The following TLN2 variants were observed in gnomAD, a reference collection of about 807,000 sequenced individuals.
TLN2 encodes the protein talin 2, also known as talin-2.
In TLN2, 118 loss-of-function variants were observed where a neutral mutation model predicts 294.7. The observed-to-expected ratio is 0.40, with a 90% confidence interval of 0.34 to 0.47. TLN2 has a LOEUF of 0.47. Among genes scored for constraint, TLN2 ranks in the 20% least tolerant of loss-of-function variants. TLN2 has a pLI of 0.84. For missense variants in TLN2, 3,083 were observed against 3,282.2 expected (o/e 0.94, Z 1.48); for synonymous variants, 1,431 against 1,304.5 (o/e 1.10, Z -2.09).
At chr15:62,608,669 G>C (rs1301527013) in intron 2 of TLN2, among the ~76,000 whole-genome samples, 1 of 152,128 alleles carries the variant, frequency 6.6e-6, no homozygotes, top group Non-Finnish European at 1.5e-5. Context: ...GGACAAGGGA[G>C]AGGTGATGAG....
At chr15:62,614,305 C>T (rs185039663) in intron 2 of TLN2, among the ~76,000 whole-genome samples, 70 of 152,190 alleles carry the variant, frequency 4.6e-4, no homozygotes, top group African/African-American at 1.6e-3. Flanking sequence ...TTTGGGAGAA[C>T]GATATGTCCA....
At chr15:62,777,264 C>T (rs371524364) in intron 43 of TLN2, among the ~76,000 whole-genome samples, 34 of 152,036 alleles carry the variant, frequency 2.2e-4, no homozygotes, top group African/African-American at 7.7e-4. Flanking sequence ...CGGCCGGGCG[C>T]GGTGGCTCAC....
intron 1 of TLN2, among the ~76,000 whole-genome samples, chr15:62,565,910 CTGTGTGTGTGTGTGTGTGTG>C (rs71718001): frequency 1.3e-5 from 2 of 148,388 alleles, no homozygotes; most frequent in African/African-American, 5.0e-5. Context: ...TGTTTACTAG[CTGTGTGTGTGTGTGTGTGTG>C]TGTGTGTGTG....
chr15:62,595,315 G>C (rs1355070119), intron 2 of TLN2, among the ~76,000 whole-genome samples: 1 of 151,850 alleles, frequency 6.6e-6, no homozygotes, highest in Non-Finnish European at 1.5e-5. Context: ...AGCTACTTGG[G>C]AGGCTGAGGC....
intron 1 of TLN2, among the ~76,000 whole-genome samples, chr15:62,518,561 T>TA (rs1237631352): frequency 6.6e-6 from 1 of 151,722 alleles, no homozygotes; most frequent in African/African-American, 2.4e-5. Context: ...ACATGCAAAA[T>TA]ATGGTGAACG....
intron 1 of TLN2, among the ~76,000 whole-genome samples, chr15:62,586,116 A>C (rs1185998430): frequency 6.6e-6 from 1 of 152,180 alleles, no homozygotes; most frequent in Non-Finnish European, 1.5e-5. Flanking sequence ...TGCTTTCCCT[A>C]AATGCAACGT....
intron 1 of TLN2, among the ~76,000 whole-genome samples, chr15:62,562,941 C>G (rs28778281): frequency 0.02 from 2,977 of 149,306 alleles, 89 homozygotes; most frequent in African/African-American, 0.07. Context: ...CACACACACA[C>G]ACACACACAC....
At chr15:62,673,565 CTTTTTT>C (rs10539693) in intron 9 of TLN2, among the ~76,000 whole-genome samples, 11 of 139,498 alleles carry the variant, frequency 7.9e-5, no homozygotes, top group African/African-American at 2.9e-4. Flanking sequence ...CTCTTGTGCT[CTTTTTT>C]TTTTTTTTCA....
chr15:62,756,369 T>C (rs575574808), intron 37 of TLN2, among the ~76,000 whole-genome samples: 3 of 152,252 alleles, frequency 2.0e-5, no homozygotes, highest in African/African-American at 7.2e-5. Flanking sequence ...AGGTGGGCGA[T>C]GAAGCCACAA....
At chr15:62,394,511 G>A (rs955799744) in intron 1 of TLN2, among the ~76,000 whole-genome samples, 7 of 152,188 alleles carry the variant, frequency 4.6e-5, no homozygotes, top group Middle Eastern at 3.4e-3. Flanking sequence ...CTTTTTAATC[G>A]TATTACTTTT....
chr15:62,473,496 A>G lies in TLN2; in HGVS notation c.-238+82811A>G, dbSNP rs190022428. ...TCCTTCCCATCTCAACTTTTAACTG[A>G]TCTTTGCTTTTCGTAGTTGCACTAC... On this transcript the variant is annotated intron_variant, in intron 1 of 58. Coordinates refer to ENST00000636159, the MANE Select transcript of TLN2 (RefSeq NM_015059.3). Among the ~76,000 whole-genome samples, 5 of 152,274 alleles carry G rather than the reference A, an allele frequency of 3.3e-5. No homozygotes were observed. The East Asian group carries it at 9.6e-4, about 29-fold the overall frequency.
At chr15:62,444,439 C>T (rs542857799) in intron 1 of TLN2, among the ~76,000 whole-genome samples, 1 of 152,362 alleles carries the variant, frequency 6.6e-6, no homozygotes, top group African/African-American at 2.4e-5. Flanking sequence ...TTTGTGAATA[C>T]TCCCATAGCA....
At chr15:62,767,110 C>T (rs191429082) in intron 41 of TLN2, among the ~76,000 whole-genome samples, 1 of 152,296 alleles carries the variant, frequency 6.6e-6, no homozygotes, top group East Asian at 1.9e-4. Flanking sequence ...GTGCAGCTAT[C>T]AGTATAGATG....
intron 1 of TLN2, among the ~76,000 whole-genome samples, chr15:62,532,170 C>T (rs548594452): frequency 6.6e-6 from 1 of 152,108 alleles, no homozygotes; most frequent in South Asian, 2.1e-4. Context: ...CCGTCTTGGC[C>T]CCCTGAGTGG....
intron 1 of TLN2, among the ~76,000 whole-genome samples, chr15:62,582,859 C>T (rs1244283165): frequency 1.3e-5 from 2 of 152,208 alleles, no homozygotes; most frequent in South Asian, 4.1e-4. Flanking sequence ...TGTAGCCCAA[C>T]CAGAAGTTGA....
intron 41 of TLN2, among the ~76,000 whole-genome samples, chr15:62,768,187 A>ACT (rs1298932593): frequency 1.3e-5 from 2 of 152,190 alleles, no homozygotes; most frequent in Non-Finnish European, 2.9e-5. Context: ...TCAGACCCCA[A>ACT]CTGTGTTCAT....
chr15:62,833,895 T>G, intron 55 of TLN2: 2 of 378,316 alleles, frequency 5.3e-6, no homozygotes, highest in Admixed American at 4.4e-5. Flanking sequence ...ACGAGATATT[T>G]ATATTCCCAC....
chr15:62,708,442 A>G (rs2059207723), intron 20 of TLN2, 60 bp from the exon 21 acceptor site: 3 of 1,564,328 alleles, frequency 1.9e-6, no homozygotes, highest in Admixed American at 3.4e-5. Context: ...CTGCGGGGGC[A>G]CATGGAGAGG....
At chr15:62,395,815 C>T (rs2032497172) in intron 1 of TLN2, among the ~76,000 whole-genome samples, 1 of 152,020 alleles carries the variant, frequency 6.6e-6, no homozygotes. Context: ...ATGTATGTTG[C>T]ATGACCGTAT....
Sources: allele counts gnomAD v4.1 joint callset (sites outside exome capture counted in the v4.1 genomes callset), GRCh38; gene constraint gnomAD v4.1.1; transcripts MANE v1.5; gene names NCBI Gene and HGNC (gene_info 2026-07-23, HGNC 2026-07-21).